Variants in KHDRBS2 observed in about 807,000 individuals in gnomAD.
KHDRBS2 encodes the protein KH domain-containing, RNA-binding, signal transduction-associated protein 2.
A neutral mutation model predicts 44.3 loss-of-function variants in KHDRBS2; 26 were observed. That is an observed-to-expected ratio of 0.59 (90% CI 0.43 to 0.81). The LOEUF (loss-of-function observed/expected upper bound fraction) is 0.81, where lower values mean the gene tolerates loss of function less well. Ranked by LOEUF, KHDRBS2 falls within the 40% of genes least tolerant of loss-of-function variation. KHDRBS2 has a pLI of 0.00. For missense variants in KHDRBS2, 476 were observed against 433.1 expected (o/e 1.10, Z -0.88); for synonymous variants, 194 against 151.1 (o/e 1.28, Z -2.08).
At chr6:61,855,041 T>C (rs1381339921) in intron 6 of KHDRBS2, among the ~76,000 whole-genome samples, 1 of 152,078 alleles carries the variant, frequency 6.6e-6, no homozygotes, top group Non-Finnish European at 1.5e-5. Flanking sequence ...TATGTAAGAA[T>C]AAAAAAGATT....
intron 1 of KHDRBS2, among the ~76,000 whole-genome samples, chr6:62,208,094 T>C (rs1224059833): frequency 1.3e-5 from 2 of 152,180 alleles, no homozygotes; most frequent in Non-Finnish European, 2.9e-5. Context: ...TATATCTGTA[T>C]AGTTGAATTA....
the KHDRBS2 span, among the ~76,000 whole-genome samples, chr6:61,552,073 G>A: frequency 6.6e-6 from 1 of 151,168 alleles, no homozygotes; most frequent in African/African-American, 2.4e-5. Context: ...ATATTATATA[G>A]AAATAGCATT....
At chr6:62,127,787 A>T (rs1385159811) in intron 2 of KHDRBS2, among the ~76,000 whole-genome samples, 1 of 152,190 alleles carries the variant, frequency 6.6e-6, no homozygotes, top group Non-Finnish European at 1.5e-5. Flanking sequence ...TAGTTTCCAC[A>T]TAACACTTCA....
At chr6:61,912,247 A>G (rs1466560355) in intron 4 of KHDRBS2, among the ~76,000 whole-genome samples, 1 of 152,210 alleles carries the variant, frequency 6.6e-6, no homozygotes, top group Non-Finnish European at 1.5e-5. Flanking sequence ...AAATACATCA[A>G]AAAGATGTGT....
chr6:62,170,277 G>A (rs1819726076), intron 2 of KHDRBS2, among the ~76,000 whole-genome samples: 1 of 151,924 alleles, frequency 6.6e-6, no homozygotes, highest in African/African-American at 2.4e-5. Flanking sequence ...GGAGGATCAG[G>A]GCATGTCTCC....
chr6:62,169,615 C>A (rs1415743446), intron 2 of KHDRBS2, among the ~76,000 whole-genome samples: 2 of 152,004 alleles, frequency 1.3e-5, no homozygotes, highest in Non-Finnish European at 2.9e-5. Context: ...AGGAGAAGCT[C>A]CCCATATGGG....
chr6:61,695,625 C>T (rs147053209), intron 8 of KHDRBS2, among the ~76,000 whole-genome samples: 216 of 152,240 alleles, frequency 1.4e-3, no homozygotes, highest in African/African-American at 4.9e-3. Flanking sequence ...CTCACATTGA[C>T]TTCACCTTTG....
At chr6:61,627,252 C>CAAAAAAAA in the KHDRBS2 span, among the ~76,000 whole-genome samples, 1 of 76,120 alleles carries the variant, frequency 1.3e-5, no homozygotes, top group Non-Finnish European at 2.4e-5. Context: ...GACTCCGTCT[C>CAAAAAAAA]AAAAAAAAAA....
At chr6:61,920,455 T>A (rs1188773597) in intron 4 of KHDRBS2, among the ~76,000 whole-genome samples, 1 of 151,954 alleles carries the variant, frequency 6.6e-6, no homozygotes, top group Non-Finnish European at 1.5e-5. Context: ...TACTCTCCTA[T>A]ACCACCTATT....
At chr6:62,006,580 A>G (rs1691059228) in intron 3 of KHDRBS2, among the ~76,000 whole-genome samples, 1 of 152,050 alleles carries the variant, frequency 6.6e-6, no homozygotes, top group Non-Finnish European at 1.5e-5. Context: ...GAAAATCATA[A>G]CATTTAGATT....
chr6:62,158,041 A>G (rs575683669), intron 2 of KHDRBS2, among the ~76,000 whole-genome samples: 5 of 152,324 alleles, frequency 3.3e-5, no homozygotes, highest in African/African-American at 1.2e-4. Context: ...GATACATAGT[A>G]AGCAGTCAGC....
At chr6:62,203,652 T>G (rs779441496) in intron 1 of KHDRBS2, among the ~76,000 whole-genome samples, 11 of 151,964 alleles carry the variant, frequency 7.2e-5, no homozygotes, top group Non-Finnish European at 1.3e-4. Flanking sequence ...AGGTCAGGAG[T>G]GCACAAGGGG....
intron 6 of KHDRBS2, among the ~76,000 whole-genome samples, chr6:61,768,522 T>C (rs1357376998): frequency 1.3e-5 from 2 of 152,204 alleles, no homozygotes; most frequent in Non-Finnish European, 2.9e-5. Context: ...TTTCTAGATC[T>C]TGTATGTATG....
At chr6:61,771,477 A>G (rs976560385) in intron 6 of KHDRBS2, among the ~76,000 whole-genome samples, 1 of 152,202 alleles carries the variant, frequency 6.6e-6, no homozygotes, top group Non-Finnish European at 1.5e-5. Flanking sequence ...GCTCAAAATA[A>G]AGGGATGGAG....
chr6:61,993,673 ATTTTTTTT>A lies in KHDRBS2; in HGVS notation c.337-15469_337-15462del, dbSNP rs200474893. Among the ~76,000 whole-genome samples, 1,065 of 114,402 alleles carry A rather than the reference ATTTTTTTT, an allele frequency of 9.3e-3. 31 individuals carry two copies. The highest frequency in any genetic ancestry group is 0.027 in the Admixed American group (265 of 9,874). 75.1% of individuals were successfully genotyped at this position (114,402 alleles called of 152,430 possible). ...ATCATATATATATATATATATATAT[ATTTTTTTT>A]TTTTGATGTGAGCTTATATATTTAG... On this transcript the variant is annotated intron_variant, in intron 3 of 8. Transcript: ENST00000281156.
intron 6 of KHDRBS2, among the ~76,000 whole-genome samples, chr6:61,852,216 C>T (rs73478907): frequency 0.023 from 3,426 of 150,880 alleles, 142 homozygotes; most frequent in African/African-American, 0.08. Flanking sequence ...AACAAAACTC[C>T]GTCCAAAAAT....
intron 3 of KHDRBS2, among the ~76,000 whole-genome samples, chr6:62,005,643 G>GA (rs977965903): frequency 6.0e-5 from 9 of 149,100 alleles, no homozygotes; most frequent in East Asian, 1.9e-4. Context: ...AAGTGAGTAT[G>GA]AAAAAAAAAT....
At chr6:61,753,345 A>G (rs894385585) in intron 6 of KHDRBS2, among the ~76,000 whole-genome samples, 6 of 152,176 alleles carry the variant, frequency 3.9e-5, no homozygotes, top group African/African-American at 1.4e-4. Context: ...CTGACAAAGG[A>G]GGACCCTAAT....
chr6:62,065,557 C>G (rs1383501968), intron 2 of KHDRBS2, among the ~76,000 whole-genome samples: 2 of 144,610 alleles, frequency 1.4e-5, no homozygotes, highest in Non-Finnish European at 3.0e-5. Flanking sequence ...ACCGCATATT[C>G]TCACTCATAG....
Sources: allele counts gnomAD v4.1 joint callset (sites outside exome capture counted in the v4.1 genomes callset), GRCh38; gene constraint gnomAD v4.1.1; transcripts MANE v1.5; gene names NCBI Gene and HGNC (gene_info 2026-07-23, HGNC 2026-07-21).